The following ASTN2 variants were observed in gnomAD, a reference collection of about 807,000 sequenced individuals.
The protein encoded by ASTN2 is astrotactin-2.
A neutral mutation model predicts 139.8 loss-of-function variants in ASTN2; 54 were observed. That is an observed-to-expected ratio of 0.39 (90% CI 0.31 to 0.48). The LOEUF is 0.48. Ranked by LOEUF, ASTN2 falls within the 20% of genes least tolerant of loss-of-function variation. The pLI is 0.95. For synonymous variants in ASTN2, 756 were observed against 719.5 expected (o/e 1.05, Z -0.81); for missense variants, 1,565 against 1,725.1 (o/e 0.91, Z 1.64).
chr9:116,677,634 A>G (rs565706949), intron 16 of ASTN2, among the ~76,000 whole-genome samples: 9 of 152,314 alleles, frequency 5.9e-5, no homozygotes, highest in African/African-American at 1.9e-4. Context: ...CCCAAGAGAG[A>G]TGGGCTGATT....
At chr9:117,405,480 C>T (rs146093866) in intron 1 of ASTN2, among the ~76,000 whole-genome samples, 13 of 152,276 alleles carry the variant, frequency 8.5e-5, no homozygotes, top group African/African-American at 2.9e-4. Context: ...AAAATGGTCA[C>T]GGTTTTCATA....
At chr9:117,093,780 C>A (rs1289747177) in intron 5 of ASTN2, among the ~76,000 whole-genome samples, 1 of 152,138 alleles carries the variant, frequency 6.6e-6, no homozygotes, top group African/African-American at 2.4e-5. Flanking sequence ...ATAGCAGCTG[C>A]GGCAGCAACA....
chr9:117,065,824 G>A (rs1398320540), intron 5 of ASTN2, among the ~76,000 whole-genome samples: 3 of 152,008 alleles, frequency 2.0e-5, no homozygotes, highest in South Asian at 2.1e-4. Context: ...CAGATGTGAG[G>A]TGGTATAATA....
chr9:116,478,108 G>T (rs1057052502), intron 20 of ASTN2, among the ~76,000 whole-genome samples: 5 of 148,494 alleles, frequency 3.4e-5, no homozygotes, highest in African/African-American at 1.2e-4. Context: ...AGAAAGAGAG[G>T]GAGGGGGTAG....
chr9:116,540,235 T>C (rs1014949888), intron 19 of ASTN2, among the ~76,000 whole-genome samples: 1 of 152,208 alleles, frequency 6.6e-6, no homozygotes. Context: ...TTTATTCATG[T>C]CTGGTGGGAA....
intron 19 of ASTN2, among the ~76,000 whole-genome samples, chr9:116,512,441 A>G: frequency 6.6e-6 from 1 of 152,184 alleles, no homozygotes; most frequent in Non-Finnish European, 1.5e-5. Context: ...CAATTTTGGA[A>G]TAAGTGCGAT....
At chr9:117,350,828 G>A (rs745668690) in intron 1 of ASTN2, among the ~76,000 whole-genome samples, 1 of 152,166 alleles carries the variant, frequency 6.6e-6, no homozygotes, top group Admixed American at 6.5e-5. Context: ...TGAACAAAAT[G>A]TCTAGAAGTT....
intron 10 of ASTN2, among the ~76,000 whole-genome samples, chr9:116,954,007 C>G (rs1343471202): frequency 6.6e-6 from 1 of 152,140 alleles, no homozygotes; most frequent in Non-Finnish European, 1.5e-5. Flanking sequence ...GCGGGTTACA[C>G]AGGGCTTGGT....
chr9:117,233,222 C>G (rs1196622343), intron 2 of ASTN2, among the ~76,000 whole-genome samples: 1 of 152,156 alleles, frequency 6.6e-6, no homozygotes, highest in Non-Finnish European at 1.5e-5. Flanking sequence ...GCTTCCAATT[C>G]CCCCAAGCGA....
At chr9:117,121,952 A>G (rs932995464) in intron 4 of ASTN2, among the ~76,000 whole-genome samples, 1 of 152,162 alleles carries the variant, frequency 6.6e-6, no homozygotes. Context: ...CCAAGATCCA[A>G]TACCATCCCA....
intron 16 of ASTN2, among the ~76,000 whole-genome samples, chr9:116,677,719 T>C (rs181675545): frequency 6.6e-6 from 1 of 152,300 alleles, no homozygotes; most frequent in Admixed American, 6.5e-5. Context: ...TCTTCTCCCA[T>C]AGTATTTCCC....
chr9:117,317,991 C>T (rs1828201372), intron 1 of ASTN2, among the ~76,000 whole-genome samples: 1 of 152,186 alleles, frequency 6.6e-6, no homozygotes, highest in South Asian at 2.1e-4. Flanking sequence ...TCCAAGAGAT[C>T]CAAGGGTATC....
At chr9:116,595,278 G>T (rs182141785) in intron 19 of ASTN2, among the ~76,000 whole-genome samples, 1 of 152,090 alleles carries the variant, frequency 6.6e-6, no homozygotes, top group African/African-American at 2.4e-5. Flanking sequence ...AAAATTTCTG[G>T]TATGGTGTAG....
intron 11 of ASTN2, among the ~76,000 whole-genome samples, chr9:116,856,908 C>T (rs1832754904): frequency 6.6e-6 from 1 of 152,198 alleles, no homozygotes; most frequent in African/African-American, 2.4e-5. Flanking sequence ...CTGAAAGACA[C>T]CATCACTCTA....
intron 11 of ASTN2, 61 bp from the exon 12 acceptor site, chr9:116,820,844 C>A: frequency 1.3e-6 from 2 of 1,496,662 alleles, no homozygotes; most frequent in Admixed American, 2.0e-5. Context: ...CCCATCACAC[C>A]CTCTCCTCCC....
intron 11 of ASTN2, among the ~76,000 whole-genome samples, chr9:116,841,116 T>C (rs1357676143): frequency 1.3e-5 from 2 of 152,238 alleles, no homozygotes; most frequent in Non-Finnish European, 2.9e-5. Context: ...AGACTCCGTC[T>C]GCAATCCCGG....
chr9:116,890,812 G>A (rs1833744368), intron 10 of ASTN2, among the ~76,000 whole-genome samples: 1 of 152,146 alleles, frequency 6.6e-6, no homozygotes, highest in Admixed American at 6.5e-5. Context: ...TGGCAGGGGG[G>A]TGGAGCGGGG....
At chr9:116,941,810 C>T (rs1368934720) in intron 10 of ASTN2, among the ~76,000 whole-genome samples, 1 of 151,926 alleles carries the variant, frequency 6.6e-6, no homozygotes, top group South Asian at 2.1e-4. Context: ...AACAGCCTTA[C>T]GCAGACCAAA....
At chr9:116,436,515 C>T (rs530004275) in intron 22 of ASTN2, among the ~76,000 whole-genome samples, 14 of 152,246 alleles carry the variant, frequency 9.2e-5, no homozygotes, top group African/African-American at 3.1e-4. Context: ...ACTAACTATA[C>T]ATAGTTTACA....
Sources: gnomAD v4.1 joint callset for allele counts (sites outside exome capture counted in the v4.1 genomes callset) on GRCh38, gnomAD v4.1.1 for gene constraint, MANE v1.5 for transcripts, NCBI Gene and HGNC (gene_info 2026-07-23, HGNC 2026-07-21) for gene names.